ITGAM: variants seen among roughly 807,000 people sequenced by gnomAD.
The protein encoded by ITGAM is integrin alpha-M.
Under a neutral mutation model 137.5 loss-of-function variants are expected in ITGAM, and 79 were observed. The ratio of observed to expected loss-of-function variants is 0.57; its 90% confidence interval spans 0.48 to 0.69. The LOEUF is 0.69. ITGAM is among the 30% of genes least tolerant of loss of function. The probability of loss-of-function intolerance (pLI) is 0.00; values close to 1 mark genes in which losing one functional copy is unlikely to be tolerated. For synonymous variants in ITGAM, 583 were observed against 592.3 expected (o/e 0.98, Z 0.23); for missense variants, 1,343 against 1,483.5 (o/e 0.91, Z 1.56).
intron 1 of ITGAM, among the ~76,000 whole-genome samples, 182 bp downstream of exon 1, chr16:31,260,274 A>G (rs1426193469): frequency 1.3e-5 from 2 of 152,144 alleles, no homozygotes; most frequent in East Asian, 3.9e-4. Context: ...CTGGCCAGGG[A>G]AGCCTGGATG....
At chr16:31,303,676 T>A (rs1217280889) in intron 14 of ITGAM, among the ~76,000 whole-genome samples, 1 of 152,154 alleles carries the variant, frequency 6.6e-6, no homozygotes, top group East Asian at 1.9e-4. Context: ...ATAGTTTAGC[T>A]CCCACTTATA....
rs66642157 is a variant in ITGAM, at chr16:31,327,633, GA to G, written c.2709-507del. On this transcript the variant is annotated intron_variant, in intron 22 of 29. Transcript: ENST00000544665. ...AATAATAATAATAAAAAATAAAAGG[GA>G]AAAAAAGAAAATATATTTAGACAAA... is the stretch of plus-strand genomic sequence containing the variant. 2.0e-5 allele frequency among the ~76,000 whole-genome samples: 3 copies of G among 150,566 alleles called. No individual in the cohort carries two copies. In the East Asian group the frequency reaches 5.8e-4, roughly 29 times the overall value.
At chr16:31,300,911 CA>C (rs1415924654) in intron 14 of ITGAM, among the ~76,000 whole-genome samples, 1 of 151,588 alleles carries the variant, frequency 6.6e-6, no homozygotes, top group Non-Finnish European at 1.5e-5. Flanking sequence ...GACCTTGTCT[CA>C]AAAAAAGAGA....
Position 31,299,749 on chromosome 16 carries a change from TCTCCTCCTCCTCCTCTTCCTCCTCCTC to T in ITGAM, c.1707+1803_1707+1829del, listed in dbSNP as rs1237543982. Among the ~76,000 whole-genome samples the T allele has an allele frequency of 1.7e-3, 251 of 147,862 alleles. 4 individuals carry two copies. Among genetic ancestry groups the T allele is most frequent in the African/African-American group, 6.2e-3 (245 of 39,222 alleles). ...GAAAGAATATCTTTCTTCTTTTTCTTCTCCTCCTCCTCCTCTTCCTCCTCCTCCTCCTCCGCCTCCCCCTCCTCCTCC... is the reference window on the plus strand; with the variant it reads ...GAAAGAATATCTTTCTTCTTTTTCTTCTCCTCCGCCTCCCCCTCCTCCTCC... On this transcript the variant is annotated intron_variant, in intron 14 of 29. Transcript: ENST00000544665.
intron 9 of ITGAM, among the ~76,000 whole-genome samples, chr16:31,276,307 C>T (rs189992425): frequency 6.6e-6 from 1 of 151,950 alleles, no homozygotes; most frequent in African/African-American, 2.4e-5. Context: ...AGTACCTGTT[C>T]TAGGTTCTTC....
intron 14 of ITGAM, among the ~76,000 whole-genome samples, chr16:31,310,173 T>C (rs1439910847): frequency 2.6e-5 from 4 of 152,044 alleles, no homozygotes; most frequent in African/African-American, 9.7e-5. Context: ...ATTATGTGTT[T>C]TGGAGTTGCT....
At position 31,265,895 on chromosome 16, in the gene ITGAM, G is replaced by A. The variant is rs767251607; in HGVS notation, c.309+14G>A. The A allele has an allele frequency of 5.0e-5, 81 of 1,612,714 alleles. No homozygotes were observed. Among genetic ancestry groups the A allele is most frequent in the Non-Finnish European group, 6.2e-5 (73 of 1,179,586 alleles). Reference sequence around the variant, plus strand: ...CCTCAGCTGCTGGTGAGTGGGGCTCGATCAGAGGAGCATCCTAATGGGGGT... The same window carrying A: ...CCTCAGCTGCTGGTGAGTGGGGCTCAATCAGAGGAGCATCCTAATGGGGGT... On this transcript the variant is annotated intron_variant, in intron 4 of 29. Coordinates refer to ENST00000544665, the MANE Select transcript of ITGAM (RefSeq NM_000632.4).
At chr16:31,290,080 CAAAAAAAAAAAA>C (rs780127045) in intron 12 of ITGAM, among the ~76,000 whole-genome samples, 2 of 56,110 alleles carry the variant, frequency 3.6e-5, no homozygotes, top group Non-Finnish European at 8.6e-5. Context: ...AAACTCCATC[CAAAAAAAAAAAA>C]AAAAAAAAAG....
chr16:31,271,800 G>A, intron 6 of ITGAM, 47 bp from the exon 7 acceptor site: 4 of 1,610,440 alleles, frequency 2.5e-6, no homozygotes, highest in Non-Finnish European at 3.4e-6. Flanking sequence ...GATGTCTGAG[G>A]GGTGGGGGCA....
At position 31,325,263 on chromosome 16, in the gene ITGAM, C is replaced by G. The variant is rs1567280431; in HGVS notation, c.2364C>G (p.Ser788Arg). The G allele has an allele frequency of 8.1e-6, 13 of 1,610,002 alleles. No individual in the cohort carries two copies. Among genetic ancestry groups the G allele is most frequent in the Non-Finnish European group, 9.3e-6 (11 of 1,177,816 alleles). ...CCGGCCTGTCTTCTTCTTCCCACAG[C>G]CTGGACTGCCTCGTGGTGGGTGGGC... ...DDLSITFSFM[S>R]LDCLVVGGPR... The change falls in exon 20 of 30, where the codon AGC (serine) becomes AGG (arginine). Residue 788 changes from serine to arginine, a missense_variant and splice_region_variant. By Grantham distance (110) the Ser-to-Arg change is moderately radical. Transcript: ENST00000544665.
chr16:31,265,204 T>C (rs1470328965), intron 2 of ITGAM, among the ~76,000 whole-genome samples, 191 bp from the exon 3 acceptor site: 1 of 152,180 alleles, frequency 6.6e-6, no homozygotes, highest in Admixed American at 6.5e-5. Context: ...GTGTCATTCT[T>C]AGGAAGACCT....
chr16:31,330,320 G>A lies in ITGAM; in HGVS notation c.3073G>A (p.Ala1025Thr). The change falls in exon 27 of 30, where the codon GCT (alanine) becomes ACT (threonine). Residue 1025 changes from alanine to threonine, a missense_variant. Physicochemically the swap from Ala to Thr is moderately conservative, Grantham distance 58. Coordinates refer to ENST00000544665, the MANE Select transcript of ITGAM (RefSeq NM_000632.4). ...CTGCGTTCCCCAGAACTGCTCCATC[G>A]CTGTCTGCCAGAGAATCCAGTGTGA... Reference protein sequence around the residue: ...RKAPVVNCSIAVCQRIQCDIP... With the variant: ...RKAPVVNCSITVCQRIQCDIP... 6.2e-7 allele frequency: 1 copy of A among 1,613,758 alleles called. No homozygotes were observed. The highest frequency in any genetic ancestry group is 2.2e-5 in the East Asian group (1 of 44,882).
intron 9 of ITGAM, among the ~76,000 whole-genome samples, chr16:31,276,123 G>A (rs1001917235): frequency 6.6e-6 from 1 of 152,142 alleles, no homozygotes; most frequent in African/African-American, 2.4e-5. Flanking sequence ...TGGGTTTATG[G>A]CTTATCTTGA....
chr16:31,320,564 T>C (rs2080438251), intron 14 of ITGAM, among the ~76,000 whole-genome samples: 1 of 152,224 alleles, frequency 6.6e-6, no homozygotes, highest in Non-Finnish European at 1.5e-5. Flanking sequence ...TTCATTTCCC[T>C]TGCTCTTGAG....
chr16:31,261,583 T>G, intron 1 of ITGAM, 109 bp from the exon 2 acceptor site: 1 of 627,898 alleles, frequency 1.6e-6, no homozygotes, highest in Non-Finnish European at 2.9e-6. Context: ...AGTGGCACAA[T>G]CAGGGCTCAA....
At chr16:31,285,510 A>G (rs1305517488) in intron 12 of ITGAM, among the ~76,000 whole-genome samples, 3 of 152,080 alleles carry the variant, frequency 2.0e-5, no homozygotes, top group Non-Finnish European at 4.4e-5. Context: ...TGGCGTGTGC[A>G]TCTGTAATCC....
At position 31,321,763 on chromosome 16, in the gene ITGAM, C is replaced by T. The variant is rs1471449594; in HGVS notation, c.2002+136C>T. ...TCTGACAACCTTCTCCAAGCCTTAC[C>T]TGAGTGAGCAGGCTATTGTCCTGCT... On this transcript the variant is annotated intron_variant, in intron 16 of 29. Coordinates refer to ENST00000544665, the MANE Select transcript of ITGAM (RefSeq NM_000632.4). 5.7e-6 allele frequency: 5 copies of T among 884,604 alleles called. No individual in the cohort carries two copies. In the African/African-American group the frequency reaches 6.8e-5, roughly 12 times the overall value. 54.8% of individuals were successfully genotyped at this position (884,604 alleles called of 1,614,324 possible).
chr16:31,306,293 A>G (rs1033669194), intron 14 of ITGAM, among the ~76,000 whole-genome samples: 5 of 152,148 alleles, frequency 3.3e-5, no homozygotes, highest in African/African-American at 1.2e-4. Context: ...CTCCTCCTCC[A>G]TCATTTTGTA....
intron 14 of ITGAM, among the ~76,000 whole-genome samples, chr16:31,302,458 C>CTTT (rs1567268024): frequency 9.8e-4 from 110 of 111,740 alleles, no homozygotes; most frequent in African/African-American, 2.6e-3. Flanking sequence ...TTTCTTCCTT[C>CTTT]CTTTCTTTCT....
Sources: gnomAD v4.1 joint callset for allele counts (sites outside exome capture counted in the v4.1 genomes callset) on GRCh38, gnomAD v4.1.1 for gene constraint, MANE v1.5 for transcripts, NCBI Gene and HGNC (gene_info 2026-07-23, HGNC 2026-07-21) for gene names.